The following IFT81 variants were observed in gnomAD, a reference collection of about 807,000 sequenced individuals.
IFT81 encodes the protein intraflagellar transport protein 81 homolog.
Under a neutral mutation model 102.6 loss-of-function variants are expected in IFT81, and 72 were observed. That is an observed-to-expected ratio of 0.70 (90% CI 0.58 to 0.85). The LOEUF is 0.85. IFT81 is among the 40% of genes least tolerant of loss of function. The pLI, the probability that IFT81 is intolerant of heterozygous loss-of-function variation, is 0.00. For missense variants in IFT81, 723 were observed against 787.3 expected (o/e 0.92, Z 0.98); for synonymous variants, 237 against 242.7 (o/e 0.98, Z 0.22).
chr12:110,165,699 A>C (rs1201126442), intron 11 of IFT81, among the ~76,000 whole-genome samples: 1 of 152,202 alleles, frequency 6.6e-6, no homozygotes, highest in Non-Finnish European at 1.5e-5. Flanking sequence ...AGGAGATTGC[A>C]GTTTCACACA....
At chr12:110,172,417 C>T (rs987625674) in intron 11 of IFT81, among the ~76,000 whole-genome samples, 1 of 152,080 alleles carries the variant, frequency 6.6e-6, no homozygotes, top group East Asian at 1.9e-4. Context: ...TCTCTTTCCA[C>T]GGTCTCCCTC....
At position 110,198,134 on chromosome 12, in the gene IFT81, C is replaced by T. The variant is rs1010529198; in HGVS notation, c.1557+5428C>T. On this transcript the variant is annotated intron_variant, in intron 14 of 18. Coordinates refer to ENST00000242591, the MANE Select transcript of IFT81 (RefSeq NM_014055.4). Reference sequence around the variant, plus strand: ...CTATATATTTAGCAGTTTTCACCATCACTGCTTGTATTTTACTCCTTATTT... The same window carrying T: ...CTATATATTTAGCAGTTTTCACCATTACTGCTTGTATTTTACTCCTTATTT... Among the ~76,000 whole-genome samples the T allele has an allele frequency of 8.5e-5, 13 of 152,276 alleles. No homozygotes were observed. In the East Asian group the frequency reaches 2.3e-3, roughly 27 times the overall value.
At chr12:110,149,464 G>A (rs1001488513) in intron 10 of IFT81, among the ~76,000 whole-genome samples, 4 of 152,204 alleles carry the variant, frequency 2.6e-5, no homozygotes, top group African/African-American at 7.2e-5. Context: ...GGCGGCTTGT[G>A]TTAGTCAGCT....
At chr12:110,128,217 A>G in intron 3 of IFT81, 68 bp downstream of exon 3, 5 of 940,864 alleles carry the variant, frequency 5.3e-6, no homozygotes, top group East Asian at 2.4e-5. Context: ...ATATACTGCA[A>G]TCAATCTTTG....
chr12:110,142,287 C>G (rs905920303), intron 8 of IFT81, among the ~76,000 whole-genome samples: 8 of 152,046 alleles, frequency 5.3e-5, no homozygotes, highest in African/African-American at 1.7e-4. Context: ...TGTTCCTCAG[C>G]CTCCCAAGTA....
chr12:110,205,408 C>T (rs766626662), intron 15 of IFT81, 35 bp from the exon 16 acceptor site: 10 of 1,551,936 alleles, frequency 6.4e-6, no homozygotes, highest in East Asian at 2.3e-5. Context: ...CTCATTCTTT[C>T]GATAATGTCA....
intron 8 of IFT81, among the ~76,000 whole-genome samples, chr12:110,137,110 G>A (rs1894558652): frequency 6.6e-6 from 1 of 152,192 alleles, no homozygotes; most frequent in East Asian, 1.9e-4. Context: ...CACTTTGGGA[G>A]CCCGAGGTGG....
At chr12:110,207,952 T>G (rs1235453355) in intron 17 of IFT81, among the ~76,000 whole-genome samples, 1 of 152,206 alleles carries the variant, frequency 6.6e-6, no homozygotes, top group Non-Finnish European at 1.5e-5. Context: ...CATTAAAATT[T>G]TTTTTTTAGC....
chr12:110,216,728 G>A (rs1037513421), intron 18 of IFT81: 6 of 401,732 alleles, frequency 1.5e-5, no homozygotes, highest in African/African-American at 6.2e-5. Context: ...ATTTCACCAT[G>A]TTGGCCAGGC....
At chr12:110,126,170 T>C (rs1175438918) in intron 1 of IFT81, among the ~76,000 whole-genome samples, 1 of 150,202 alleles carries the variant, frequency 6.7e-6, no homozygotes, top group Non-Finnish European at 1.5e-5. Flanking sequence ...CCCAGCTACT[T>C]GGGAGGCTGA....
At chr12:110,145,959 T>A (rs944310755) in intron 9 of IFT81, among the ~76,000 whole-genome samples, 1 of 151,904 alleles carries the variant, frequency 6.6e-6, no homozygotes, top group Non-Finnish European at 1.5e-5. Flanking sequence ...TACAGGTGCA[T>A]GCCACCAAGC....
At chr12:110,182,395 T>C (rs1032851780) in intron 12 of IFT81, among the ~76,000 whole-genome samples, 2 of 152,202 alleles carry the variant, frequency 1.3e-5, no homozygotes, top group African/African-American at 4.8e-5. Flanking sequence ...TCCTTTACTA[T>C]CCATTCTAGA....
chr12:110,179,724 TTATATATATA>T (rs751481208), intron 11 of IFT81, among the ~76,000 whole-genome samples: 75 of 48,676 alleles, frequency 1.5e-3, no homozygotes, highest in East Asian at 4.7e-3. Context: ...TATCTCGAAA[TTATATATATA>T]TATATATATA....
intron 12 of IFT81, among the ~76,000 whole-genome samples, chr12:110,185,272 G>A (rs1017348219): frequency 6.6e-6 from 1 of 151,828 alleles, no homozygotes; most frequent in African/African-American, 2.4e-5. Flanking sequence ...AGCAACCTCC[G>A]CCCCCTAGGT....
At chr12:110,135,057 A>G (rs1019388784) in intron 6 of IFT81, 44 bp downstream of exon 6, 3 of 1,387,680 alleles carry the variant, frequency 2.2e-6, no homozygotes, top group Non-Finnish European at 2.0e-6. Context: ...CCAAGTCCCA[A>G]GGACTTGCAA....
intron 10 of IFT81, among the ~76,000 whole-genome samples, chr12:110,150,963 G>C (rs1895491747): frequency 1.3e-5 from 2 of 151,882 alleles, no homozygotes; most frequent in African/African-American, 4.8e-5. Context: ...AACAATATAT[G>C]CTGGTGATCA....
At chr12:110,207,942 C>T (rs2137595734) in intron 17 of IFT81, among the ~76,000 whole-genome samples, 1 of 151,960 alleles carries the variant, frequency 6.6e-6, no homozygotes, top group Admixed American at 6.6e-5. Flanking sequence ...TTAATTTTTA[C>T]ATTAAAATTT....
rs1184638134 is a variant in IFT81, at chr12:110,179,744, A to T, written c.1189-678A>T. On this transcript the variant is annotated intron_variant, in intron 11 of 18. Coordinates refer to ENST00000242591, the MANE Select transcript of IFT81 (RefSeq NM_014055.4). Reference sequence around the variant, plus strand: ...CGAAATTATATATATATATATATATATATATATATATATATATATATATAT... The same window carrying T: ...CGAAATTATATATATATATATATATTTATATATATATATATATATATATAT... Among the ~76,000 whole-genome samples, 147 of 37,888 alleles carry T rather than the reference A, an allele frequency of 3.9e-3. 3 individuals are homozygous for T. Among genetic ancestry groups the T allele is most frequent in the African/African-American group, 0.028 (141 of 4,998 alleles). The allele number at this position is 37,888 out of a possible 152,430, so 24.9% of individuals were successfully genotyped here. A position where few individuals can be genotyped will look rare whatever the true frequency, so the allele number is the denominator to read the frequency against.
At chr12:110,129,179 G>A (rs201920854) in intron 4 of IFT81, 49 bp downstream of exon 4, 3 of 1,339,192 alleles carry the variant, frequency 2.2e-6, no homozygotes, top group African/African-American at 3.0e-5. Flanking sequence ...ATTTCAAGGT[G>A]TATATATTCA....
Sources: allele counts gnomAD v4.1 joint callset (sites outside exome capture counted in the v4.1 genomes callset), GRCh38; gene constraint gnomAD v4.1.1; transcripts MANE v1.5; gene names NCBI Gene and HGNC (gene_info 2026-07-23, HGNC 2026-07-21).